Variants in PLXNA2 observed in about 807,000 individuals in gnomAD.
PLXNA2 encodes plexin A2.
A neutral mutation model predicts 193.5 loss-of-function variants in PLXNA2; 91 were observed. The ratio of observed to expected loss-of-function variants is 0.47; its 90% CI spans 0.40 to 0.56. The LOEUF is 0.56. Among genes scored for constraint, PLXNA2 ranks in the 20% least tolerant of loss-of-function variants. PLXNA2 has a pLI of 0.00. For missense variants in PLXNA2, 1,995 were observed against 2,503.2 expected, an observed-to-expected ratio of 0.80 and a Z score of 4.33; for synonymous variants, 997 against 1,027.3, an observed-to-expected ratio of 0.97 and a Z score of 0.56.
intron 2 of PLXNA2, among the ~76,000 whole-genome samples, chr1:208,213,491 A>T (rs1671028879): frequency 6.6e-6 from 1 of 152,142 alleles, no homozygotes; most frequent in African/African-American, 2.4e-5. Flanking sequence ...CTCTTGCTTT[A>T]TGGGGTCATT....
At chr1:208,034,957 G>A (rs141941057) in intron 26 of PLXNA2, among the ~76,000 whole-genome samples, 13 of 152,172 alleles carry the variant, frequency 8.5e-5, no homozygotes, top group Non-Finnish European at 1.8e-4. Context: ...ATTACATATT[G>A]AAATGATAAT....
chr1:208,139,417 A>G (rs779475760), intron 4 of PLXNA2, among the ~76,000 whole-genome samples: 2 of 152,214 alleles, frequency 1.3e-5, no homozygotes, highest in African/African-American at 4.8e-5. Context: ...AAATGGGATC[A>G]TGAGGCATGA....
chr1:208,048,491 A>C lies in PLXNA2; in HGVS notation c.3256-2374T>G, dbSNP rs144895613. 7.2e-5 allele frequency among the ~76,000 whole-genome samples: 11 copies of C among 152,312 alleles called. No homozygotes were observed. In the East Asian group the frequency reaches 2.1e-3, roughly 29 times the overall value. On this transcript the variant is annotated intron_variant, in intron 17 of 31. Coordinates refer to ENST00000367033, the MANE Select transcript of PLXNA2 (RefSeq NM_025179.4). ...GCCTGTAGATACCAGGCAGGTCACC[A>C]CTGAAACTGAGGGCCCCCAGCTCCC...
intron 4 of PLXNA2, among the ~76,000 whole-genome samples, chr1:208,111,761 A>G (rs1296377530): frequency 6.6e-6 from 1 of 152,168 alleles, no homozygotes; most frequent in Non-Finnish European, 1.5e-5. Flanking sequence ...TTAACAATCA[A>G]TAGTCATGCA....
intron 3 of PLXNA2, among the ~76,000 whole-genome samples, chr1:208,197,951 C>A (rs1572022652): frequency 6.6e-6 from 1 of 152,162 alleles, no homozygotes; most frequent in East Asian, 1.9e-4. Flanking sequence ...ATTTTCACAT[C>A]ATTCTTGGCA....
At chr1:208,169,955 C>G (rs1380516356) in intron 3 of PLXNA2, among the ~76,000 whole-genome samples, 1 of 152,198 alleles carries the variant, frequency 6.6e-6, no homozygotes, top group Non-Finnish European at 1.5e-5. Flanking sequence ...TTTCTAGTCA[C>G]TGACAACCAC....
chr1:208,151,321 C>T (rs1295253967), intron 3 of PLXNA2, among the ~76,000 whole-genome samples: 1 of 152,192 alleles, frequency 6.6e-6, no homozygotes, highest in East Asian at 1.9e-4. Flanking sequence ...AGGCACTGCA[C>T]ACAGGTTCCT....
At chr1:208,169,679 C>T (rs750152294) in intron 3 of PLXNA2, among the ~76,000 whole-genome samples, 12 of 152,178 alleles carry the variant, frequency 7.9e-5, no homozygotes, top group Non-Finnish European at 1.5e-4. Context: ...AGAAAAGAGA[C>T]AGCATGTTCA....
At chr1:208,103,300 G>A in intron 4 of PLXNA2, 53 bp from the exon 5 acceptor site, 1 of 1,386,132 alleles carries the variant, frequency 7.2e-7, no homozygotes, top group Non-Finnish European at 1.0e-6. Flanking sequence ...ACGACTAGCA[G>A]GTGTGTGTCA....
In PLXNA2 at chr1:208,038,574, C is replaced by A; in HGVS notation, c.4661-100G>T. 1 of 972,264 alleles carries A rather than the reference C, an allele frequency of 1.0e-6. No homozygotes were observed. Among genetic ancestry groups the A allele is most frequent in the Admixed American group, 1.8e-5 (1 of 55,388 alleles). The allele number at this position is 972,264 out of a possible 1,614,324, so 60.2% of individuals were successfully genotyped here. A position where few individuals can be genotyped will look rare whatever the true frequency, so the allele number is the denominator to read the frequency against. ...TTCTCTAGGGACCTGGCAACCCGGC[C>A]CCCTCAAGCTGGTACCAATAACAGA... On this transcript the variant is annotated intron_variant, in intron 25 of 31. Transcript: ENST00000367033. This position sits in a 1 kb window ranked among gnomAD's most constrained non-coding sequence, Gnocchi z 4.1.
intron 3 of PLXNA2, among the ~76,000 whole-genome samples, chr1:208,151,319 C>T (rs1218541788): frequency 6.6e-6 from 1 of 152,178 alleles, no homozygotes; most frequent in African/African-American, 2.4e-5. Context: ...CAAGGCACTG[C>T]ACACAGGTTC....
intron 3 of PLXNA2, among the ~76,000 whole-genome samples, chr1:208,195,287 G>A (rs912901129): frequency 6.6e-6 from 1 of 152,206 alleles, no homozygotes; most frequent in Non-Finnish European, 1.5e-5. Flanking sequence ...GGGATGCATG[G>A]CTTCACTAGG....
chr1:208,130,417 C>A (rs1668111464), intron 4 of PLXNA2, among the ~76,000 whole-genome samples: 1 of 152,114 alleles, frequency 6.6e-6, no homozygotes, highest in Non-Finnish European at 1.5e-5. Context: ...ACACTAACAC[C>A]CCCAGAACAC....
chr1:208,221,583 C>A (rs943180565), intron 1 of PLXNA2, among the ~76,000 whole-genome samples: 7 of 152,194 alleles, frequency 4.6e-5, no homozygotes, highest in Non-Finnish European at 1.0e-4. Flanking sequence ...CAAGAGGAGG[C>A]ACAGTCTCCT....
chr1:208,051,085 G>A lies in PLXNA2; in HGVS notation c.3179C>T (p.Thr1060Ile). 1 of 1,614,022 alleles carries A rather than the reference G, an allele frequency of 6.2e-7. No homozygotes were observed. The highest frequency in any genetic ancestry group is 8.5e-7 in the Non-Finnish European group (1 of 1,179,878). Reference sequence around the variant, plus strand: ...GACATCCAGGTTGAAGCCTGTGATGGTCAGGGGTGTGTGGCCACTGAAAAC... The same window carrying A: ...GACATCCAGGTTGAAGCCTGTGATGATCAGGGGTGTGTGGCCACTGAAAAC... ...WSIASGHTPL[T>I]ITGFNLDVIQ... is the part of the protein sequence containing the mutation. The change falls in exon 17 of 32, where the codon ACC becomes ATC. Residue 1060 changes from threonine to isoleucine, a missense_variant. This residue lies in a region of PLXNA2 where 1,291 missense variants were observed against 1,673.6 expected (regional missense o/e 0.77). Transcript: ENST00000367033.
At chr1:208,161,514 A>G (rs1290594261) in intron 3 of PLXNA2, among the ~76,000 whole-genome samples, 1 of 152,124 alleles carries the variant, frequency 6.6e-6, no homozygotes, top group Non-Finnish European at 1.5e-5. Context: ...GAAATGTGCA[A>G]CTTCACGAGA....
chr1:208,119,717 C>A (rs907578964), intron 4 of PLXNA2, among the ~76,000 whole-genome samples: 3 of 152,228 alleles, frequency 2.0e-5, no homozygotes, highest in Non-Finnish European at 4.4e-5. Flanking sequence ...TCAAGCGATT[C>A]TCCTGCCTCA....
intron 3 of PLXNA2, among the ~76,000 whole-genome samples, chr1:208,176,023 T>C (rs1253061755): frequency 6.6e-6 from 1 of 152,214 alleles, no homozygotes; most frequent in Admixed American, 6.5e-5. Flanking sequence ...TTCTCTCTCA[T>C]AGTTGTCTGG....
intron 3 of PLXNA2, among the ~76,000 whole-genome samples, chr1:208,146,875 C>A (rs1668618628): frequency 6.6e-6 from 1 of 152,136 alleles, no homozygotes; most frequent in Non-Finnish European, 1.5e-5. Flanking sequence ...TATTTGGGAT[C>A]TTCTTCTTCT....
Sources: gnomAD v4.1 joint callset for allele counts (sites outside exome capture counted in the v4.1 genomes callset) on GRCh38, gnomAD v4.1.1 for gene constraint, gnomAD v4.1.1 regional missense constraint, Gnocchi (gnomAD v3.1) non-coding constraint, MANE v1.5 for transcripts, NCBI Gene and HGNC (gene_info 2026-07-23, HGNC 2026-07-21) for gene names.